NMNAT2: variants seen among roughly 807,000 people sequenced by gnomAD.
NMNAT2 encodes nicotinamide nucleotide adenylyltransferase 2.
NMNAT2 carries 11 observed loss-of-function variants against 41.6 expected under a neutral mutation model. The observed-to-expected ratio is 0.26, with a 90% CI of 0.17 to 0.44. NMNAT2 has a LOEUF of 0.44. Among genes scored for constraint, NMNAT2 ranks in the 20% least tolerant of loss-of-function variants. The pLI is 1.00. For missense variants in NMNAT2, 288 were observed against 407.7 expected (o/e 0.71, Z 2.53); for synonymous variants, 148 against 151.2 (o/e 0.98, Z 0.16).
chr1:183,372,190 G>T (rs1024431371), intron 1 of NMNAT2, among the ~76,000 whole-genome samples: 4 of 152,164 alleles, frequency 2.6e-5, no homozygotes, highest in East Asian at 1.9e-4. Flanking sequence ...AACAAGTAAG[G>T]GCTCCAGAAA....
At chr1:183,401,934 G>A (rs185019516) in intron 1 of NMNAT2, among the ~76,000 whole-genome samples, 2 of 141,592 alleles carry the variant, frequency 1.4e-5, no homozygotes, top group African/African-American at 5.1e-5. Context: ...GTTGGGGGAG[G>A]GGGGAGGGAT....
At chr1:183,389,816 G>T (rs192934024) in intron 1 of NMNAT2, among the ~76,000 whole-genome samples, 2,976 of 57,582 alleles carry the variant, frequency 0.052, 537 homozygotes, top group Non-Finnish European at 0.074. Flanking sequence ...AAGAAAGAAA[G>T]AAAGAAAGAA....
chr1:183,332,018 C>G (rs1018678367), intron 1 of NMNAT2, among the ~76,000 whole-genome samples: 1 of 152,028 alleles, frequency 6.6e-6, no homozygotes, highest in African/African-American at 2.4e-5. Flanking sequence ...CCTGACCTCA[C>G]GTGATCCACA....
At chr1:183,355,479 C>G (rs1291270232) in intron 1 of NMNAT2, among the ~76,000 whole-genome samples, 2 of 152,214 alleles carry the variant, frequency 1.3e-5, no homozygotes, top group Non-Finnish European at 2.9e-5. Context: ...GATTCTGATG[C>G]ACATTAAGGT....
intron 1 of NMNAT2, among the ~76,000 whole-genome samples, chr1:183,385,680 T>A (rs1202369126): frequency 6.6e-6 from 1 of 152,158 alleles, no homozygotes; most frequent in Admixed American, 6.5e-5. Context: ...ACATATGAGA[T>A]TTGGCCACCC....
At chr1:183,308,133 A>T (rs1174909962) in intron 1 of NMNAT2, among the ~76,000 whole-genome samples, 1 of 152,154 alleles carries the variant, frequency 6.6e-6, no homozygotes, top group Non-Finnish European at 1.5e-5. Flanking sequence ...CATTTGTCTT[A>T]TGAGTCTCAG....
chr1:183,320,010 A>G (rs940725906), intron 1 of NMNAT2, among the ~76,000 whole-genome samples: 4 of 152,248 alleles, frequency 2.6e-5, no homozygotes, highest in Admixed American at 2.0e-4. Flanking sequence ...CTCTGGCTGA[A>G]CTAGGGTAAA....
chr1:183,270,546 A>C (rs914887028), intron 8 of NMNAT2, among the ~76,000 whole-genome samples: 2 of 149,712 alleles, frequency 1.3e-5, no homozygotes, highest in Non-Finnish European at 3.0e-5. Flanking sequence ...AAAAAAAAAG[A>C]GAGAGAACCA....
At chr1:183,383,121 A>C (rs1447196872) in intron 1 of NMNAT2, among the ~76,000 whole-genome samples, 2 of 152,190 alleles carry the variant, frequency 1.3e-5, no homozygotes, top group Non-Finnish European at 2.9e-5. Flanking sequence ...TGTGGGCTTA[A>C]CACCACGTGG....
chr1:183,322,587 A>G (rs1662376804), intron 1 of NMNAT2, among the ~76,000 whole-genome samples: 1 of 152,154 alleles, frequency 6.6e-6, no homozygotes, highest in African/African-American at 2.4e-5. Context: ...ACAGATTACC[A>G]GACCAACAGT....
intron 1 of NMNAT2, among the ~76,000 whole-genome samples, chr1:183,361,668 T>C (rs1663309666): frequency 6.6e-6 from 1 of 152,234 alleles, no homozygotes; most frequent in African/African-American, 2.4e-5. Context: ...CTGGATACTC[T>C]AGCACTGTAA....
intron 1 of NMNAT2, among the ~76,000 whole-genome samples, chr1:183,407,854 C>G (rs1649004367): frequency 6.6e-6 from 1 of 152,120 alleles, no homozygotes; most frequent in Admixed American, 6.5e-5. Flanking sequence ...AGCTATGAAA[C>G]AAGAAAAGGA....
At chr1:183,379,104 ATATC>A (rs1481505990) in intron 1 of NMNAT2, among the ~76,000 whole-genome samples, 6 of 146,992 alleles carry the variant, frequency 4.1e-5, no homozygotes, top group Admixed American at 2.8e-4. Flanking sequence ...TCTATAATCT[ATATC>A]TCTCTCTCTA....
intron 1 of NMNAT2, among the ~76,000 whole-genome samples, chr1:183,306,358 T>C (rs533741762): frequency 6.6e-6 from 1 of 152,174 alleles, no homozygotes; most frequent in Non-Finnish European, 1.5e-5. Flanking sequence ...AATGTTTTCT[T>C]CCAGAAAACA....
At chr1:183,295,003 C>A (rs1661647260) in intron 1 of NMNAT2, among the ~76,000 whole-genome samples, 1 of 152,136 alleles carries the variant, frequency 6.6e-6, no homozygotes, top group South Asian at 2.1e-4. Flanking sequence ...GCTTCTTTTT[C>A]TTTCTTTCTT....
rs181101276 is a variant in NMNAT2, at chr1:183,376,253, G to A, written c.85+41930C>T. 3.3e-5 allele frequency among the ~76,000 whole-genome samples: 5 copies of A among 152,218 alleles called. No individual in the cohort carries two copies. The East Asian group carries it at 9.7e-4, about 29-fold the overall frequency. On this transcript the variant is annotated intron_variant, in intron 1 of 10. Transcript: ENST00000287713. Reference sequence around the variant, plus strand: ...CATTAGTTGAGAACCTATTAAGTGGGTCACATTTGAGGGTAAAATTGGAGA... The same window carrying A: ...CATTAGTTGAGAACCTATTAAGTGGATCACATTTGAGGGTAAAATTGGAGA...
intron 1 of NMNAT2, among the ~76,000 whole-genome samples, chr1:183,331,181 C>T (rs1311605048): frequency 6.6e-6 from 1 of 152,102 alleles, no homozygotes; most frequent in Non-Finnish European, 1.5e-5. Context: ...TCATGAGGGG[C>T]AGGTGGGGGT....
chr1:183,333,548 G>A (rs1435557204), intron 1 of NMNAT2, among the ~76,000 whole-genome samples: 3 of 152,230 alleles, frequency 2.0e-5, no homozygotes, highest in East Asian at 3.8e-4. Context: ...AGGAGCGCAA[G>A]CAGTCTCTGA....
chr1:183,351,098 T>G (rs1266300124), intron 1 of NMNAT2, among the ~76,000 whole-genome samples: 1 of 152,232 alleles, frequency 6.6e-6, no homozygotes, highest in Admixed American at 6.5e-5. Flanking sequence ...TGCCTCATAC[T>G]CCAGGTCTTA....
Sources: allele counts gnomAD v4.1 joint callset (sites outside exome capture counted in the v4.1 genomes callset), GRCh38; gene constraint gnomAD v4.1.1; transcripts MANE v1.5; gene names NCBI Gene and HGNC (gene_info 2026-07-23, HGNC 2026-07-21).